The following KNTC1 variants were observed in gnomAD, a reference collection of about 807,000 sequenced individuals.
KNTC1 encodes the protein kinetochore-associated protein 1.
KNTC1 carries 253 observed loss-of-function variants against 314.4 expected under a neutral mutation model. That is an observed-to-expected ratio of 0.80 (90% confidence interval 0.73 to 0.89). The LOEUF (loss-of-function observed/expected upper bound fraction) is 0.89, where lower values mean the gene tolerates loss of function less well. KNTC1 is among the 40% of genes least tolerant of loss of function. The pLI is 0.00. For missense variants in KNTC1, 2,475 were observed against 2,572.9 expected, an observed-to-expected ratio of 0.96 and a Z score of 0.82; for synonymous variants, 901 against 901.4, an observed-to-expected ratio of 1.00 and a Z score of 0.01.
At chr12:122,588,572 C>T (rs1016282875) in intron 39 of KNTC1, 140 bp from the exon 40 acceptor site, 25 of 603,810 alleles carry the variant, frequency 4.1e-5, no homozygotes, top group Non-Finnish European at 6.4e-5. Flanking sequence ...GTCCCCCACC[C>T]CTTTCTAGCA....
At chr12:122,620,629 C>G in intron 60 of KNTC1, 21 bp downstream of exon 60, 1 of 1,608,722 alleles carries the variant, frequency 6.2e-7, no homozygotes, top group Non-Finnish European at 8.5e-7. Flanking sequence ...CATGATTCCT[C>G]TGGGCTGCCA....
At chr12:122,592,552 C>T (rs1229480269) in intron 42 of KNTC1, among the ~76,000 whole-genome samples, 1 of 152,228 alleles carries the variant, frequency 6.6e-6, no homozygotes, top group Admixed American at 6.5e-5. Flanking sequence ...CACCAATCAG[C>T]ACCCTGTGTT....
chr12:122,579,344 G>A (rs954364113), intron 31 of KNTC1, among the ~76,000 whole-genome samples: 11 of 151,960 alleles, frequency 7.2e-5, no homozygotes, highest in Non-Finnish European at 1.5e-4. Flanking sequence ...GATTACAGGC[G>A]TGAGCCACCG....
At chr12:122,537,579 C>T (rs754651686) in intron 3 of KNTC1, among the ~76,000 whole-genome samples, 6 of 151,866 alleles carry the variant, frequency 4.0e-5, no homozygotes, top group Non-Finnish European at 7.4e-5. Flanking sequence ...CCACCATGTC[C>T]GGCTAATTTT....
intron 18 of KNTC1, among the ~76,000 whole-genome samples, chr12:122,558,599 C>T (rs1243878308): frequency 4.0e-5 from 6 of 151,788 alleles, no homozygotes; most frequent in African/African-American, 1.5e-4. Context: ...TCTTAAATGG[C>T]TGGGTGAGGT....
intron 16 of KNTC1, among the ~76,000 whole-genome samples, chr12:122,556,078 T>C (rs1199243228): frequency 6.6e-6 from 1 of 151,964 alleles, no homozygotes; most frequent in Non-Finnish European, 1.5e-5. Context: ...AGTGGCGCGA[T>C]TTTGGCTCAC....
At chr12:122,620,912 A>G (rs1489215846) in intron 60 of KNTC1, among the ~76,000 whole-genome samples, 1 of 152,250 alleles carries the variant, frequency 6.6e-6, no homozygotes, top group African/African-American at 2.4e-5. Context: ...CCATTAACCC[A>G]TGTAGGCTTG....
intron 36 of KNTC1, 94 bp from the exon 37 acceptor site, chr12:122,585,542 C>A: frequency 1.4e-6 from 2 of 1,381,318 alleles, no homozygotes; most frequent in South Asian, 1.3e-5. Context: ...TAGAGTTTAA[C>A]TTAAAATGAA....
Position 122,626,331 on chromosome 12 carries a change from T to C in KNTC1, c.*103T>C, listed in dbSNP as rs1284252501. 2.1e-5 allele frequency: 17 copies of C among 797,164 alleles called. No individual in the cohort carries two copies. The allele number at this position is 797,164 out of a possible 1,614,324, so 49.4% of individuals were successfully genotyped here. On this transcript the variant is annotated 3_prime_UTR_variant, in exon 64 of 64. Transcript: ENST00000333479. ...AATTGTACAATCTCTGTATTATAGC[T>C]ATTTGTCTAACATTACCCCACATGT...
At chr12:122,591,883 C>T (rs1870252772) in intron 42 of KNTC1, among the ~76,000 whole-genome samples, 1 of 152,236 alleles carries the variant, frequency 6.6e-6, no homozygotes, top group Non-Finnish European at 1.5e-5. Flanking sequence ...AGCCCTCGCT[C>T]GCTCTCGGCG....
intron 16 of KNTC1, among the ~76,000 whole-genome samples, chr12:122,555,293 T>G (rs1963505793): frequency 6.6e-6 from 1 of 152,116 alleles, no homozygotes; most frequent in Non-Finnish European, 1.5e-5. Context: ...TGGCTCACCT[T>G]TGTAATCCCA....
At chr12:122,546,405 C>G in intron 9 of KNTC1, 136 bp downstream of exon 9, 1 of 671,746 alleles carries the variant, frequency 1.5e-6, no homozygotes, top group East Asian at 2.7e-5. Flanking sequence ...GATGGTTGTT[C>G]ACATACAGAA....
intron 56 of KNTC1, 55 bp downstream of exon 56, chr12:122,615,141 T>C: frequency 8.1e-7 from 1 of 1,234,674 alleles, no homozygotes; most frequent in Middle Eastern, 1.9e-4. Context: ...TTGCACAGCA[T>C]CCCCTAAACA....
In KNTC1 at chr12:122,602,978, C is replaced by T. The variant is rs1872137137; in HGVS notation, c.4885-49C>T. ...ATTTTTCTGCTGCTTTCATGTAAAA[C>T]CTTATATGTGAATATGTGCTTCAGC... On this transcript the variant is annotated intron_variant, in intron 47 of 63. Coordinates refer to ENST00000333479, the MANE Select transcript of KNTC1 (RefSeq NM_014708.6). The T allele has an allele frequency of 1.9e-6, 3 of 1,566,562 alleles. No homozygotes were observed. In the African/African-American group the frequency reaches 4.1e-5, roughly 21 times the overall value.
intron 28 of KNTC1, 37 bp downstream of exon 28, chr12:122,575,683 C>A: frequency 2.0e-6 from 3 of 1,502,242 alleles, no homozygotes; most frequent in East Asian, 2.3e-5. Context: ...TTGTTATGCT[C>A]TGGAGAAACA....
chr12:122,551,737 T>A, intron 16 of KNTC1, 41 bp downstream of exon 16: 1 of 1,418,794 alleles, frequency 7.0e-7, no homozygotes, highest in South Asian at 1.1e-5. Flanking sequence ...AACAAGCATT[T>A]CGTCATGGGC....
chr12:122,585,437 A>G (rs1300034314), intron 36 of KNTC1, among the ~76,000 whole-genome samples, 199 bp from the exon 37 acceptor site: 1 of 152,198 alleles, frequency 6.6e-6, no homozygotes, highest in Non-Finnish European at 1.5e-5. Context: ...GCATGAGGCC[A>G]CTTCTCTGTT....
chr12:122,539,839 T>G, intron 5 of KNTC1, 85 bp downstream of exon 5: 2 of 838,164 alleles, frequency 2.4e-6, no homozygotes, highest in Non-Finnish European at 3.7e-6. Context: ...TGGAGTGCAG[T>G]GGCGCAATCT....
chr12:122,541,548 T>C (rs982671655), intron 5 of KNTC1, among the ~76,000 whole-genome samples: 23 of 150,104 alleles, frequency 1.5e-4, no homozygotes, highest in Middle Eastern at 3.4e-3. Context: ...GGTTTCACCA[T>C]GTTGGTCAGG....
Sources: gnomAD v4.1 joint callset for allele counts (sites outside exome capture counted in the v4.1 genomes callset) on GRCh38, gnomAD v4.1.1 for gene constraint, MANE v1.5 for transcripts, NCBI Gene and HGNC (gene_info 2026-07-23, HGNC 2026-07-21) for gene names.